The following GRM6 variants were observed in gnomAD, a reference collection of about 807,000 sequenced individuals.
GRM6 encodes the protein glutamate metabotropic receptor 6.
A neutral mutation model predicts 78.4 loss-of-function variants in GRM6; 73 were observed. That is an observed-to-expected ratio of 0.93 (90% CI 0.77 to 1.13). GRM6 has a LOEUF of 1.13. GRM6 is among the 50% of genes most tolerant of loss of function. GRM6 has a pLI of 0.00. For missense variants in GRM6, 1,251 were observed against 1,256.4 expected (o/e 1.00, Z 0.07); for synonymous variants, 580 against 555.0 (o/e 1.05, Z -0.63).
At chr5:178,989,550 CTAGGAGTGGCCAGGTGAGT>C in intron 5 of GRM6, 145 bp from the exon 6 acceptor site, 1 of 1,036,256 alleles carries the variant, frequency 9.7e-7, no homozygotes, top group Non-Finnish European at 1.5e-6. Context: ...GCCAGGTGAG[CTAGGAGTGGCCAGGTGAGT>C]TAGGCGTGGC....
intron 9 of GRM6, among the ~76,000 whole-genome samples, chr5:178,984,642 T>C (rs1760472707): frequency 6.6e-6 from 1 of 151,988 alleles, no homozygotes; most frequent in Admixed American, 6.6e-5. Context: ...GGCCGGGACG[T>C]AGAGGGCACC....
In GRM6 at chr5:178,991,555, C is replaced by G. The variant is rs564369800; in HGVS notation, c.726G>C (p.Gly242=). The change falls in exon 4 of 11, where the codon GGG becomes GGC. Residue 242 remains glycine, a synonymous_variant. Coordinates refer to ENST00000517717, the MANE Select transcript of GRM6 (RefSeq NM_000843.4). The surrounding 1 kb of genome is among the most constrained non-coding windows in gnomAD (Gnocchi z 5.0). ...AFVQISREAG[G]VCIAQSIKIP... is the part of the protein sequence containing the mutation. ...TCTTGATAGACTGGGCAATACAGACCCCCCCTGGGCGTTGGGGGTGCCAGA... is the reference window on the plus strand; with the variant it reads ...TCTTGATAGACTGGGCAATACAGACGCCCCCTGGGCGTTGGGGGTGCCAGA... 9 of 1,613,700 alleles carry G rather than the reference C, an allele frequency of 5.6e-6. No homozygotes were observed. The South Asian group carries it at 7.7e-5, about 14-fold the overall frequency.
rs565922739 is a variant in GRM6 at position 178,983,025 on chromosome 5, C to A, written c.2321G>T (p.Gly774Val). ...GGCCTCGTTGAAGGTCTCGGGCACG[C>A]CACGGGCCTTGATGGCGTACACTGT... Reference protein sequence around the residue: ...TCTVYAIKARGVPETFNEAKP... With the variant: ...TCTVYAIKARVVPETFNEAKP... The change falls in exon 10 of 11, where the codon GGC becomes GTC. Residue 774 changes from glycine to valine, a missense_variant. Physicochemically the swap from Gly to Val is moderately radical, Grantham distance 109. Coordinates refer to ENST00000517717, the MANE Select transcript of GRM6 (RefSeq NM_000843.4). The A allele has an allele frequency of 6.2e-7, 1 of 1,614,158 alleles. No homozygotes were observed. The highest frequency in any genetic ancestry group is 1.3e-5 in the African/African-American group (1 of 75,066).
In GRM6 at chr5:178,992,007, A is replaced by ACCACCC; in HGVS notation, c.575_580dup (p.Val193_Val194insGlyVal). ...CTGCGCCTGGTAGGAGTCGGGTGGC[A>ACCACCC]CCACCCGGGAGAAGAAGTCATAGCG... On this transcript the variant is annotated inframe_insertion, in exon 3 of 11. Transcript: ENST00000517717. The surrounding 1 kb of genome is among the most constrained non-coding windows in gnomAD (Gnocchi z 4.9). The ACCACCC allele has an allele frequency of 6.2e-7, 1 of 1,613,794 alleles. No individual in the cohort carries two copies. Among genetic ancestry groups the ACCACCC allele is most frequent in the Non-Finnish European group, 8.5e-7 (1 of 1,179,776 alleles).
Position 178,994,603 on chromosome 5 carries a change from C to T in GRM6, c.342G>A (p.Gln114=), listed in dbSNP as rs1238369993. 1.4e-6 allele frequency: 2 copies of T among 1,420,098 alleles called. No homozygotes were observed. Among genetic ancestry groups the T allele is most frequent in the Non-Finnish European group, 1.8e-6 (2 of 1,087,486 alleles). 88.0% of individuals were successfully genotyped at this position (1,420,098 alleles called of 1,614,324 possible). A position where few individuals can be genotyped will look rare whatever the true frequency, so the allele number is the denominator to read the frequency against. The part of the protein sequence containing the change: ...YALEQALSFV[Q]ALIRGRGDGD... ...CGTCGCCGCGGCCGCGGATCAGCGC[C>T]TGCACGAAGCTCAGCGCCTGCTCCA... is the stretch of plus-strand genomic sequence containing the variant. Residue 114 remains glutamine (Q), a synonymous_variant, in exon 2 of 11, where the codon CAG becomes CAA. Coordinates refer to ENST00000517717, the MANE Select transcript of GRM6 (RefSeq NM_000843.4).
chr5:178,982,417 A>T (rs1760411841), intron 10 of GRM6, among the ~76,000 whole-genome samples: 1 of 151,974 alleles, frequency 6.6e-6, no homozygotes, highest in Non-Finnish European at 1.5e-5. Flanking sequence ...ATCTCTACTA[A>T]AATTACAAAA....
rs770664445 is a variant in GRM6 at position 178,991,943 on chromosome 5, A to G, written c.645T>C (p.Tyr215=). ...VDIVRALGWN[Y]VSTLASEGNY... is the part of the protein sequence containing the mutation. Reference sequence around the variant, plus strand: ...TGCCCTCGGAGGCCAGCGTGGACACATAGTTCCATCCCAGTGCCCTCACGA... The same window carrying G: ...TGCCCTCGGAGGCCAGCGTGGACACGTAGTTCCATCCCAGTGCCCTCACGA... Residue 215 remains tyrosine (Y), a synonymous_variant, in exon 3 of 11, where the codon TAT becomes TAC. Transcript: ENST00000517717. This position sits in a 1 kb window ranked among gnomAD's most constrained non-coding sequence, Gnocchi z 5.0. The G allele has an allele frequency of 5.0e-6, 8 of 1,614,098 alleles. No homozygotes were observed. In the South Asian group the frequency reaches 7.7e-5, roughly 16 times the overall value.
chr5:178,992,488 G>A lies in GRM6; in HGVS notation c.505-405C>T, dbSNP rs1760698054. 2 of 362,680 alleles carry A rather than the reference G, an allele frequency of 5.5e-6. No individual in the cohort carries two copies. Among genetic ancestry groups the A allele is most frequent in the Non-Finnish European group, 1.1e-5 (2 of 182,330 alleles). The allele number at this position is 362,680 out of a possible 1,614,324, so 22.5% of individuals were successfully genotyped here. A position where few individuals can be genotyped will look rare whatever the true frequency, so the allele number is the denominator to read the frequency against. ...ACGTTTTCTTGATTCACACCAAGGG[G>A]TGGTCCGCAGGGACAGGCAGCCCTA... is the stretch of plus-strand genomic sequence containing the variant. On this transcript the variant is annotated intron_variant, in intron 2 of 10. Coordinates refer to ENST00000517717, the MANE Select transcript of GRM6 (RefSeq NM_000843.4). This position sits in a 1 kb window ranked among gnomAD's most constrained non-coding sequence, Gnocchi z 4.9.
chr5:178,989,778 C>T (rs1033449382), intron 5 of GRM6: 8 of 355,752 alleles, frequency 2.2e-5, no homozygotes, highest in African/African-American at 1.3e-4. Flanking sequence ...TGGGTGGAGC[C>T]TCAGCAGCCA....
intron 5 of GRM6, 111 bp from the exon 6 acceptor site, chr5:178,989,516 G>C: frequency 7.4e-7 from 1 of 1,360,304 alleles, no homozygotes; most frequent in Non-Finnish European, 1.0e-6. Flanking sequence ...GGTGAGCTAG[G>C]AGTGGCCAGG....
At position 178,981,789 on chromosome 5, in the gene GRM6, C is replaced by T. The variant is rs746340451; in HGVS notation, c.2502G>A (p.Met834Ile). The T allele has an allele frequency of 1.9e-6, 3 of 1,612,628 alleles. No homozygotes were observed. In the Admixed American group the frequency reaches 5.0e-5, roughly 27 times the overall value. Residue 834 changes from methionine (M) to isoleucine (I), a missense_variant, in exon 11 of 11, where the codon ATG becomes ATA. Transcript: ENST00000517717. The surrounding 1 kb of genome is among the most constrained non-coding windows in gnomAD (Gnocchi z 5.1). ...TGACGTAGGTTTTGGGTACGTAGAG[C>T]ATGCCGAGGGACACCGAGGCACTCA... ...LSLSASVSLGMLYVPKTYVIL... is the reference protein window; with the variant it reads ...LSLSASVSLGILYVPKTYVIL...
In GRM6 at chr5:178,988,911, G is replaced by A; in HGVS notation, c.1354+24C>T. 1 of 1,593,796 alleles carries A rather than the reference G, an allele frequency of 6.3e-7. No individual in the cohort carries two copies. The highest frequency in any genetic ancestry group is 8.6e-7 in the Non-Finnish European group (1 of 1,164,054). ...AGCCCCCCAGCTGTCCTTCACTGCT[G>A]CAGGGGGGCAGGCACCCACTCACCA... is the stretch of plus-strand genomic sequence containing the variant. On this transcript the variant is annotated intron_variant, in intron 7 of 10. Coordinates refer to ENST00000517717, the MANE Select transcript of GRM6 (RefSeq NM_000843.4). The surrounding 1 kb of genome is among the most constrained non-coding windows in gnomAD (Gnocchi z 6.0).
intron 5 of GRM6, chr5:178,989,863 A>G: frequency 3.8e-6 from 1 of 263,978 alleles, no homozygotes; most frequent in Non-Finnish European, 7.4e-6. Flanking sequence ...GAATGGACAG[A>G]GCCCAGGGCT....
intron 2 of GRM6, among the ~76,000 whole-genome samples, chr5:178,994,148 G>A (rs998153414): frequency 2.0e-5 from 3 of 152,184 alleles, no homozygotes; most frequent in African/African-American, 7.2e-5. Context: ...GCTGGCAAAT[G>A]GGGGCTGAAG....
rs200129133 is a variant in GRM6, at chr5:178,986,402, C to A, written c.1852G>T (p.Ala618Ser). The A allele has an allele frequency of 9.9e-6, 16 of 1,613,774 alleles. No homozygotes were observed. Among genetic ancestry groups the A allele is most frequent in the South Asian group, 6.6e-5 (6 of 91,086 alleles). Reference protein sequence around the residue: ...VRYNNTPIVRASGRELSYVLL... With the variant: ...VRYNNTPIVRSSGRELSYVLL... ...ACGTAGCTGAGCTCTCGGCCCGAGG[C>A]CCGGACGATGGGCGTGTTGTTGTAC... The change falls in exon 9 of 11, where the codon GCC becomes TCC. Residue 618 changes from alanine (A) to serine (S), a missense_variant. By Grantham distance (99) the Ala-to-Ser change is moderately conservative (BLOSUM62 1). Coordinates refer to ENST00000517717, the MANE Select transcript of GRM6 (RefSeq NM_000843.4).
At position 178,981,909 on chromosome 5, in the gene GRM6, C is replaced by G; in HGVS notation, c.2437-55G>C. ...ACTCAGCCCTGCTCTCCCTGCCCCGCTCCACACAGTCCTCACCACATACTC... is the reference window on the plus strand; with the variant it reads ...ACTCAGCCCTGCTCTCCCTGCCCCGGTCCACACAGTCCTCACCACATACTC... On this transcript the variant is annotated intron_variant, in intron 10 of 10. Transcript: ENST00000517717. This position sits in a 1 kb window ranked among gnomAD's most constrained non-coding sequence, Gnocchi z 5.1. 9.4e-7 allele frequency: 1 copy of G among 1,059,490 alleles called. No individual in the cohort carries two copies. The highest frequency in any genetic ancestry group is 1.7e-5 in the Admixed American group (1 of 59,318). 65.6% of individuals were successfully genotyped at this position (1,059,490 alleles called of 1,614,324 possible).
intron 9 of GRM6, 77 bp from the exon 10 acceptor site, chr5:178,983,298 G>A (rs193217862): frequency 2.4e-5 from 31 of 1,282,300 alleles, no homozygotes; most frequent in Admixed American, 1.0e-4. Flanking sequence ...AGGCCCCTGC[G>A]GGTCAGGATC....
rs1029814826 is a variant in GRM6, at chr5:178,981,409, C to T, written c.*248G>A. 5.0e-5 allele frequency: 27 copies of T among 536,788 alleles called. No individual in the cohort carries two copies. Among genetic ancestry groups the T allele is most frequent in the South Asian group, 2.3e-4 (10 of 44,078 alleles). The allele number at this position is 536,788 out of a possible 1,614,324, so 33.3% of individuals were successfully genotyped here. A position where few individuals can be genotyped will look rare whatever the true frequency, so the allele number is the denominator to read the frequency against. ...TCCCTTTCTAGAGCTAGAACCTTCTCGGTGGCTGTTTCCCACCATGGGAAG... is the reference window on the plus strand; with the variant it reads ...TCCCTTTCTAGAGCTAGAACCTTCTTGGTGGCTGTTTCCCACCATGGGAAG... On this transcript the variant is annotated 3_prime_UTR_variant, in exon 11 of 11. Transcript: ENST00000517717. The surrounding 1 kb of genome is among the most constrained non-coding windows in gnomAD (Gnocchi z 5.1).
rs767319992 is a variant in GRM6, at chr5:178,992,295, C to T, written c.505-212G>A. 2.9e-5 allele frequency: 12 copies of T among 418,532 alleles called. No homozygotes were observed. In the Admixed American group the frequency reaches 4.0e-4, roughly 14 times the overall value. The allele number at this position is 418,532 out of a possible 1,614,324, so 25.9% of individuals were successfully genotyped here. On this transcript the variant is annotated intron_variant, in intron 2 of 10. Coordinates refer to ENST00000517717, the MANE Select transcript of GRM6 (RefSeq NM_000843.4). This position sits in a 1 kb window ranked among gnomAD's most constrained non-coding sequence, Gnocchi z 4.9. ...GAAGCTGTGGTGTTTTGCGAGTGGG[C>T]CTGAGAATTCCGTGAATGCTGTGCA...
Sources: gnomAD v4.1 joint callset for allele counts (sites outside exome capture counted in the v4.1 genomes callset) on GRCh38, gnomAD v4.1.1 for gene constraint, Gnocchi (gnomAD v3.1) non-coding constraint, MANE v1.5 for transcripts, NCBI Gene and HGNC (gene_info 2026-07-23, HGNC 2026-07-21) for gene names.